Variants in LINGO1 observed in about 807,000 individuals in gnomAD.
LINGO1 encodes the protein leucine-rich repeat and immunoglobulin-like domain-containing nogo receptor-interacting protein 1.
A neutral mutation model predicts 37.3 loss-of-function variants in LINGO1; 11 were observed. That is an observed-to-expected ratio of 0.29 (90% CI 0.19 to 0.49). The LOEUF (loss-of-function observed/expected upper bound fraction) is 0.49, where lower values mean the gene tolerates loss of function less well. Among genes scored for constraint, LINGO1 ranks in the 20% least tolerant of loss-of-function variants. LINGO1 has a pLI of 0.99. For synonymous variants in LINGO1, 387 were observed against 403.0 expected (o/e 0.96, Z 0.48); for missense variants, 585 against 878.2 (o/e 0.67, Z 4.22).
intron 3 of LINGO1, among the ~76,000 whole-genome samples, chr15:77,670,352 GATT>G (rs1442322185): frequency 6.6e-6 from 1 of 152,218 alleles, no homozygotes; most frequent in Non-Finnish European, 1.5e-5. Flanking sequence ...ATGGCATGTG[GATT>G]ATATTTCAAT....
intron 2 of LINGO1, among the ~76,000 whole-genome samples, chr15:77,726,089 G>A (rs745550622): frequency 3.3e-5 from 5 of 152,198 alleles, no homozygotes; most frequent in Non-Finnish European, 5.9e-5. Flanking sequence ...CTGAGTCATC[G>A]GAAGATTAGG....
Position 77,615,709 on chromosome 15 carries a change from G to T in LINGO1, c.198C>A (p.Pro66=), listed in dbSNP as rs370139254. ...GGCGCGTCTCGGTGGGGATGCCCTC[G>T]GGGACTGCCACAAAGCGCTTGCGGT... The part of the protein sequence containing the change: ...LCHRKRFVAV[P]EGIPTETRLL... The change falls in exon 2 of 2, where the codon CCC becomes CCA. Residue 66 remains proline (P), a synonymous_variant. Transcript: ENST00000355300. 6.3e-7 allele frequency: 1 copy of T among 1,598,262 alleles called. No homozygotes were observed. Among genetic ancestry groups the T allele is most frequent in the South Asian group, 1.1e-5 (1 of 89,272 alleles).
intron 1 of LINGO1, among the ~76,000 whole-genome samples, chr15:77,735,575 G>A (rs1567554252): frequency 6.6e-6 from 1 of 152,230 alleles, no homozygotes; most frequent in East Asian, 1.9e-4. Context: ...CTCACCCTGG[G>A]ACCCTAACTG....
chr15:77,782,382 C>T (rs969192990), intron 1 of LINGO1, among the ~76,000 whole-genome samples: 2 of 152,210 alleles, frequency 1.3e-5, no homozygotes, highest in Admixed American at 6.5e-5. Context: ...AAGAAGGCCA[C>T]GTGCAGTCTA....
chr15:77,738,882 A>G (rs1365660930), intron 1 of LINGO1, among the ~76,000 whole-genome samples: 1 of 152,242 alleles, frequency 6.6e-6, no homozygotes, highest in Admixed American at 6.5e-5. Flanking sequence ...TACTCCCTAC[A>G]TGAACTGCCT....
At chr15:77,644,747 T>C (rs961739010) in intron 3 of LINGO1, among the ~76,000 whole-genome samples, 10 of 152,112 alleles carry the variant, frequency 6.6e-5, no homozygotes, top group Non-Finnish European at 1.2e-4. Flanking sequence ...CTGTGCCCAT[T>C]TGACAGACGA....
At chr15:77,794,370 ATACGTATATG>A in intron 2 of LINGO1, among the ~76,000 whole-genome samples, 1 of 67,384 alleles carries the variant, frequency 1.5e-5, no homozygotes, top group South Asian at 3.6e-4. Context: ...GTGTATATAC[ATACGTATATG>A]TATATACATA....
intron 3 of LINGO1, among the ~76,000 whole-genome samples, chr15:77,675,522 A>G (rs2075312419): frequency 6.6e-6 from 1 of 152,226 alleles, no homozygotes; most frequent in Admixed American, 6.5e-5. Flanking sequence ...GTGCTGGAGC[A>G]ATATAACTAA....
chr15:77,639,161 G>A (rs748339218), upstream of LINGO1, among the ~76,000 whole-genome samples: 17 of 152,102 alleles, frequency 1.1e-4, no homozygotes, highest in African/African-American at 2.7e-4. Flanking sequence ...CTGAAGCTCC[G>A]GCTGATGTCT....
At chr15:77,801,078 G>A (rs188954220) in intron 1 of LINGO1, among the ~76,000 whole-genome samples, 1 of 152,312 alleles carries the variant, frequency 6.6e-6, no homozygotes, top group East Asian at 1.9e-4. Context: ...AGGGGGAATT[G>A]GCTCAACCTT....
intron 3 of LINGO1, chr15:77,647,957 G>A (rs1240167910): frequency 2.2e-6 from 1 of 456,334 alleles, no homozygotes; most frequent in Non-Finnish European, 4.4e-6. Flanking sequence ...ACTGATGGAT[G>A]GACAGTGAGA....
At chr15:77,716,984 G>A (rs186322780) in intron 2 of LINGO1, among the ~76,000 whole-genome samples, 13 of 150,502 alleles carry the variant, frequency 8.6e-5, no homozygotes, top group Non-Finnish European at 1.8e-4. Context: ...AAAAAGAGAA[G>A]AGAAAACAAT....
chr15:77,645,575 G>A (rs2074607396), intron 3 of LINGO1, among the ~76,000 whole-genome samples: 1 of 152,220 alleles, frequency 6.6e-6, no homozygotes, highest in Non-Finnish European at 1.5e-5. Context: ...ACAAATTCAG[G>A]GCTACTGTGT....
At chr15:77,673,909 G>A (rs962560808) in intron 3 of LINGO1, among the ~76,000 whole-genome samples, 4 of 152,038 alleles carry the variant, frequency 2.6e-5, no homozygotes, top group African/African-American at 4.8e-5. Context: ...TTCCTTTAAC[G>A]CTCTATTGTC....
chr15:77,819,442 G>T (rs1212387742), intron 1 of LINGO1: 2 of 151,722 alleles, frequency 1.3e-5, no homozygotes, highest in African/African-American at 4.8e-5. Flanking sequence ...GTGAGAGCGC[G>T]CAGCGTGTGC....
At chr15:77,804,424 G>A (rs1441136132) in intron 1 of LINGO1, among the ~76,000 whole-genome samples, 1 of 152,208 alleles carries the variant, frequency 6.6e-6, no homozygotes, top group Non-Finnish European at 1.5e-5. Context: ...GCCAGAGAGG[G>A]GAGGGAGCTG....
chr15:77,750,787 CACAATG>C (rs1361613290), intron 1 of LINGO1, among the ~76,000 whole-genome samples: 2 of 152,240 alleles, frequency 1.3e-5, no homozygotes, highest in Non-Finnish European at 2.9e-5. Context: ...ATTTAATCCA[CACAATG>C]ACATTTATCC....
At chr15:77,654,020 T>C (rs2074817733) in intron 3 of LINGO1, among the ~76,000 whole-genome samples, 1 of 152,236 alleles carries the variant, frequency 6.6e-6, no homozygotes, top group African/African-American at 2.4e-5. Flanking sequence ...ACATTAGGTA[T>C]GGCCATGTGA....
At chr15:77,676,493 C>G (rs1230249876) in intron 3 of LINGO1, among the ~76,000 whole-genome samples, 2 of 152,168 alleles carry the variant, frequency 1.3e-5, no homozygotes, top group East Asian at 3.9e-4. Flanking sequence ...TGGCACCAGG[C>G]CGAAAGCCTT....
Sources: allele counts gnomAD v4.1 joint callset (sites outside exome capture counted in the v4.1 genomes callset), GRCh38; gene constraint gnomAD v4.1.1; transcripts MANE v1.5; gene names NCBI Gene and HGNC (gene_info 2026-07-23, HGNC 2026-07-21).